BTRC: variants seen among roughly 807,000 people sequenced by gnomAD.
BTRC encodes the protein beta-transducin repeat containing E3 ubiquitin protein ligase.
A neutral mutation model predicts 85.5 loss-of-function variants in BTRC; 42 were observed. The ratio of observed to expected loss-of-function variants is 0.49; its 90% CI spans 0.38 to 0.64. BTRC has a LOEUF of 0.64. Ranked by LOEUF, BTRC falls within the 30% of genes least tolerant of loss-of-function variation. The probability of loss-of-function intolerance (pLI) is 0.00; values close to 1 mark genes in which losing one functional copy is unlikely to be tolerated. For synonymous variants in BTRC, 255 were observed against 263.3 expected (o/e 0.97, Z 0.30); for missense variants, 594 against 743.5 (o/e 0.80, Z 2.34).
chr10:101,478,162 A>G (rs527542771), intron 3 of BTRC, among the ~76,000 whole-genome samples: 23 of 151,838 alleles, frequency 1.5e-4, no homozygotes, highest in African/African-American at 5.3e-4. Context: ...TTAGCTGGGC[A>G]TGGTGGCAGG....
At chr10:101,452,074 A>G (rs1213258589) in intron 2 of BTRC, among the ~76,000 whole-genome samples, 2 of 152,208 alleles carry the variant, frequency 1.3e-5, no homozygotes, top group Non-Finnish European at 2.9e-5. Flanking sequence ...AATTGCTCGA[A>G]TCTCAGTAAA....
In BTRC at chr10:101,479,381, G is replaced by T; in HGVS notation, c.248G>T (p.Cys83Phe). 1.2e-6 allele frequency: 2 copies of T among 1,612,882 alleles called. No individual in the cohort carries two copies. Among genetic ancestry groups the T allele is most frequent in the Non-Finnish European group, 1.7e-6 (2 of 1,179,174 alleles). ...TTCTCTTTACAGACATACAACAGCT[G>T]TGCCAGACTCTGCTTAAACCAAGAA... ...KNSLRQTYNS[C>F]ARLCLNQETV... Residue 83 changes from cysteine (C) to phenylalanine (F), a missense_variant, in exon 4 of 15, where the codon TGT becomes TTT. Physicochemically the swap from Cys to Phe is radical, Grantham distance 205 (BLOSUM62 -2). Around this residue, in one of 4 missense-constraint regions of BTRC, gnomAD observed 163 missense variants for 180.5 expected, o/e 0.90. Transcript: ENST00000370187.
chr10:101,504,654 T>C (rs558301983), intron 4 of BTRC, among the ~76,000 whole-genome samples: 7 of 152,042 alleles, frequency 4.6e-5, no homozygotes, highest in South Asian at 2.1e-4. Flanking sequence ...CGTTCCTCCT[T>C]CTGCTTTCCC....
intron 4 of BTRC, among the ~76,000 whole-genome samples, chr10:101,512,706 G>A (rs540623006): frequency 3.3e-5 from 5 of 152,296 alleles, no homozygotes; most frequent in African/African-American, 9.6e-5. Flanking sequence ...AAAGTGGTAC[G>A]TGAAATATGT....
At chr10:101,362,665 G>C (rs1942246820) in intron 1 of BTRC, among the ~76,000 whole-genome samples, 1 of 152,102 alleles carries the variant, frequency 6.6e-6, no homozygotes, top group South Asian at 2.1e-4. Context: ...AAAGTGCTGG[G>C]ATTACAGGTG....
intron 4 of BTRC, among the ~76,000 whole-genome samples, chr10:101,495,732 T>C (rs902011285): frequency 3.3e-5 from 5 of 152,246 alleles, no homozygotes; most frequent in African/African-American, 9.6e-5. Flanking sequence ...TTCATCCTTA[T>C]TGCCCTTTCT....
At chr10:101,539,960 C>A (rs2062441479) in intron 13 of BTRC, among the ~76,000 whole-genome samples, 1 of 152,152 alleles carries the variant, frequency 6.6e-6, no homozygotes, top group Non-Finnish European at 1.5e-5. Context: ...GTGTTCAAAT[C>A]TTTTCCCATT....
Position 101,548,966 on chromosome 10 carries a change from T to G in BTRC, c.1657-1733T>G, listed in dbSNP as rs1453360010. Among the ~76,000 whole-genome samples, 3 of 149,010 alleles carry G rather than the reference T, an allele frequency of 2.0e-5. No individual in the cohort carries two copies. The South Asian group carries it at 6.3e-4, about 32-fold the overall frequency. On this transcript the variant is annotated intron_variant, in intron 13 of 14. Transcript: ENST00000370187. Reference sequence around the variant, plus strand: ...TACTCAGGAGACTGAGGCAGGAGAATCGCTTGAACCCAGGAGGCGGAGGTT... The same window carrying G: ...TACTCAGGAGACTGAGGCAGGAGAAGCGCTTGAACCCAGGAGGCGGAGGTT...
intron 1 of BTRC, among the ~76,000 whole-genome samples, chr10:101,369,369 T>C (rs937089393): frequency 1.3e-5 from 2 of 152,092 alleles, no homozygotes; most frequent in Non-Finnish European, 2.9e-5. Context: ...ATGAGCCTCA[T>C]TATTTTTTGT....
intron 4 of BTRC, among the ~76,000 whole-genome samples, chr10:101,489,336 T>G (rs1001069640): frequency 2.6e-5 from 4 of 152,210 alleles, no homozygotes; most frequent in African/African-American, 9.6e-5. Context: ...TATTAATATT[T>G]AAAGTCCACT....
At chr10:101,398,746 G>A (rs1017208196) in intron 1 of BTRC, among the ~76,000 whole-genome samples, 18 of 152,156 alleles carry the variant, frequency 1.2e-4, no homozygotes, top group African/African-American at 4.3e-4. Flanking sequence ...TGAAAACTGT[G>A]TTGTAAACTC....
intron 2 of BTRC, among the ~76,000 whole-genome samples, chr10:101,433,521 A>G (rs1409143189): frequency 6.6e-6 from 1 of 152,224 alleles, no homozygotes; most frequent in Non-Finnish European, 1.5e-5. Context: ...AGGAAGAGTC[A>G]GTGCAAAGGC....
chr10:101,359,260 C>A lies in BTRC; in HGVS notation c.48+5032C>A, dbSNP rs541312675. Among the ~76,000 whole-genome samples the A allele has an allele frequency of 1.2e-4, 19 of 152,212 alleles. No homozygotes were observed. In the East Asian group the frequency reaches 3.1e-3, roughly 25 times the overall value. On this transcript the variant is annotated intron_variant, in intron 1 of 14. Coordinates refer to ENST00000370187, the MANE Select transcript of BTRC (RefSeq NM_033637.4). ...TTCTTTACATCAGTGAAATTGATTA[C>A]CAGGTAGTGGGATGAACATCTGAAA...
Position 101,552,548 on chromosome 10 carries a change from C to T in BTRC, c.*32-607C>T, listed in dbSNP as rs78083225. 9.8e-3 allele frequency among the ~76,000 whole-genome samples: 1,484 copies of T among 152,128 alleles called. 9 individuals carry two copies. Among genetic ancestry groups the T allele is most frequent in the Non-Finnish European group, 0.015 (1,011 of 68,004 alleles). On this transcript the variant is annotated intron_variant, in intron 14 of 14. Coordinates refer to ENST00000370187, the MANE Select transcript of BTRC (RefSeq NM_033637.4). ...TCCTTCTTAGGCTGCCTTCTCTATTCCCAAGGCTTCAGATCTCATCTCATT... is the reference window on the plus strand; with the variant it reads ...TCCTTCTTAGGCTGCCTTCTCTATTTCCAAGGCTTCAGATCTCATCTCATT...
At chr10:101,533,332 C>T (rs2062329465) in intron 9 of BTRC, among the ~76,000 whole-genome samples, 1 of 152,094 alleles carries the variant, frequency 6.6e-6, no homozygotes, top group African/African-American at 2.4e-5. Context: ...TTTTCTTATC[C>T]TTATGGTAAA....
intron 13 of BTRC, among the ~76,000 whole-genome samples, chr10:101,544,530 C>T (rs1477336105): frequency 1.3e-5 from 2 of 151,832 alleles, no homozygotes; most frequent in Admixed American, 6.6e-5. Flanking sequence ...CTGACAGCTT[C>T]CCACATAGCT....
chr10:101,480,507 A>G (rs1449946285), intron 4 of BTRC, among the ~76,000 whole-genome samples: 1 of 152,206 alleles, frequency 6.6e-6, no homozygotes, highest in African/African-American at 2.4e-5. Flanking sequence ...GTGCCTTCTC[A>G]CTGCATCCTC....
chr10:101,354,576 C>T (rs1420618408), intron 1 of BTRC: 3 of 322,546 alleles, frequency 9.3e-6, no homozygotes, highest in Non-Finnish European at 1.7e-5. Flanking sequence ...GCCGTGAGGC[C>T]GCTGGCGGGG....
intron 4 of BTRC, among the ~76,000 whole-genome samples, chr10:101,511,073 A>G (rs1946690002): frequency 6.6e-6 from 1 of 152,204 alleles, no homozygotes; most frequent in Admixed American, 6.5e-5. Context: ...ATATGTGACT[A>G]TTTCAAAACC....
Sources: gnomAD v4.1 joint callset for allele counts (sites outside exome capture counted in the v4.1 genomes callset) on GRCh38, gnomAD v4.1.1 for gene constraint, gnomAD v4.1.1 regional missense constraint, MANE v1.5 for transcripts, NCBI Gene and HGNC (gene_info 2026-07-23, HGNC 2026-07-21) for gene names.